Variants in LGSN observed in about 807,000 individuals in gnomAD.
The protein encoded by LGSN is lengsin, lens protein with glutamine synthetase domain, also known as lengsin.
LGSN carries 21 observed loss-of-function variants against 19.5 expected under a neutral mutation model. The observed-to-expected ratio is 1.07, with a 90% CI of 0.76 to 1.55. The LOEUF (loss-of-function observed/expected upper bound fraction) is 1.55. Among genes scored for constraint, LGSN ranks in the 40% most tolerant of loss-of-function variants. LGSN has a pLI of 0.00. For synonymous variants in LGSN, 257 were observed against 215.6 expected, an observed-to-expected ratio of 1.19 and a Z score of -1.68; for missense variants, 673 against 608.5, an observed-to-expected ratio of 1.11 and a Z score of -1.12.
At chr6:63,336,315 C>T in the LGSN span, among the ~76,000 whole-genome samples, 1 of 152,038 alleles carries the variant, frequency 6.6e-6, no homozygotes, top group Non-Finnish European at 1.5e-5. Context: ...GATCATTACA[C>T]ATTCTATAAA....
At chr6:63,435,042 T>A in the LGSN span, among the ~76,000 whole-genome samples, 1 of 152,194 alleles carries the variant, frequency 6.6e-6, no homozygotes, top group Non-Finnish European at 1.5e-5. Flanking sequence ...TTCTCTGCTA[T>A]CAGCAGCAAT....
chr6:63,502,350 C>T, the LGSN span, among the ~76,000 whole-genome samples: 1 of 152,140 alleles, frequency 6.6e-6, no homozygotes, highest in Non-Finnish European at 1.5e-5. Context: ...ATGCCAACTG[C>T]TTACCTGCTA....
At chr6:63,469,266 G>A in the LGSN span, among the ~76,000 whole-genome samples, 1 of 152,148 alleles carries the variant, frequency 6.6e-6, no homozygotes, top group Admixed American at 6.6e-5. Flanking sequence ...CTTCAGAAGT[G>A]CAAATGTTCT....
chr6:63,351,986 G>A, the LGSN span, among the ~76,000 whole-genome samples: 13 of 152,234 alleles, frequency 8.5e-5, no homozygotes, highest in Admixed American at 6.5e-4. Context: ...AGAATTTCTT[G>A]TAATGACCTC....
At chr6:63,536,826 C>T in the LGSN span, among the ~76,000 whole-genome samples, 1 of 151,968 alleles carries the variant, frequency 6.6e-6, no homozygotes, top group East Asian at 1.9e-4. Flanking sequence ...TAAACTATAA[C>T]ATATTTGATA....
the LGSN span, among the ~76,000 whole-genome samples, chr6:63,367,155 C>A: frequency 1.3e-5 from 2 of 152,162 alleles, no homozygotes; most frequent in Non-Finnish European, 2.9e-5. Flanking sequence ...GAACAGGCAA[C>A]CTACAGAATG....
chr6:63,539,931 C>T, the LGSN span, among the ~76,000 whole-genome samples: 2 of 152,106 alleles, frequency 1.3e-5, no homozygotes, highest in Admixed American at 1.3e-4. Context: ...AATGGACAAA[C>T]ATTGGAAAGT....
At chr6:63,564,649 A>T in the LGSN span, among the ~76,000 whole-genome samples, 3 of 152,212 alleles carry the variant, frequency 2.0e-5, no homozygotes, top group African/African-American at 7.2e-5. Context: ...AAATTTATTT[A>T]TACTCCATTC....
chr6:63,348,645 G>C, the LGSN span, among the ~76,000 whole-genome samples: 2 of 151,700 alleles, frequency 1.3e-5, no homozygotes, highest in Non-Finnish European at 2.9e-5. Context: ...TGCACATCTG[G>C]CCTACAGTAA....
chr6:63,552,129 C>T, the LGSN span, among the ~76,000 whole-genome samples: 3 of 152,174 alleles, frequency 2.0e-5, no homozygotes, highest in Non-Finnish European at 1.5e-5. Context: ...CTGACTTCCA[C>T]AATGGTTGAA....
the LGSN span, among the ~76,000 whole-genome samples, chr6:63,364,001 T>C: frequency 4.6e-5 from 7 of 152,120 alleles, no homozygotes; most frequent in Non-Finnish European, 8.8e-5. Context: ...CCATCGATGC[T>C]AGGAAGAAAC....
At chr6:63,293,275 G>A (rs144709215) in intron 2 of LGSN, among the ~76,000 whole-genome samples, 4,020 of 152,240 alleles carry the variant, frequency 0.026, 176 homozygotes, top group African/African-American at 0.092. Context: ...GGGATTACAG[G>A]TGTAAGCCAC....
chr6:63,534,082 A>G, the LGSN span, among the ~76,000 whole-genome samples: 2 of 152,038 alleles, frequency 1.3e-5, no homozygotes, highest in Non-Finnish European at 1.5e-5. Context: ...GCCTCAAGTG[A>G]TCTGCCCACC....
the LGSN span, among the ~76,000 whole-genome samples, chr6:63,465,111 C>G: frequency 6.6e-6 from 1 of 151,288 alleles, no homozygotes; most frequent in Non-Finnish European, 1.5e-5. Context: ...CAAGTCCTAT[C>G]TATCTGTATG....
In LGSN at chr6:63,280,093, G is replaced by A. The variant is rs1345945959; in HGVS notation, c.1458C>T (p.Ala486=). 3.7e-6 allele frequency: 6 copies of A among 1,613,514 alleles called. No homozygotes were observed. In the African/African-American group the frequency reaches 6.7e-5, roughly 18 times the overall value. The change falls in exon 4 of 4, where the codon GCC becomes GCT. Residue 486 remains alanine (A), a synonymous_variant. Coordinates refer to ENST00000370657, the MANE Select transcript of LGSN (RefSeq NM_016571.3). ...CATTCTCCAACTCATATTTCTTCAT[G>A]GCAACAAAATATCGAATAAAGGTTT... ...LGETFIRYFV[A]MKKYELENEE...
chr6:63,398,207 T>TA, the LGSN span, among the ~76,000 whole-genome samples: 946 of 109,704 alleles, frequency 8.6e-3, 13 homozygotes, highest in South Asian at 0.071. Flanking sequence ...TCCTATTTAC[T>TA]AAAAAAAAAA....
the LGSN span, among the ~76,000 whole-genome samples, chr6:63,490,773 G>A: frequency 1.3e-5 from 2 of 152,084 alleles, no homozygotes; most frequent in Non-Finnish European, 2.9e-5. Flanking sequence ...AGGCTGAGAA[G>A]TCTCATGATC....
At chr6:63,572,903 C>T in the LGSN span, among the ~76,000 whole-genome samples, 5 of 151,980 alleles carry the variant, frequency 3.3e-5, no homozygotes, top group Non-Finnish European at 5.9e-5. Flanking sequence ...GCCGGCTGTG[C>T]GGAGGCAGAT....
chr6:63,396,619 C>G, the LGSN span: 3 of 153,204 alleles, frequency 2.0e-5, no homozygotes, highest in African/African-American at 7.2e-5. Context: ...TAGCTTTACC[C>G]CTCCCTTGGG....
Sources: allele counts gnomAD v4.1 joint callset (sites outside exome capture counted in the v4.1 genomes callset), GRCh38; gene constraint gnomAD v4.1.1; transcripts MANE v1.5; gene names NCBI Gene and HGNC (gene_info 2026-07-23, HGNC 2026-07-21).